Variants in PAXIP1 observed in about 807,000 individuals in gnomAD.
The protein encoded by PAXIP1 is PAX-interacting protein 1.
Under a neutral mutation model 140.6 loss-of-function variants are expected in PAXIP1, and 19 were observed. That is an observed-to-expected ratio of 0.14 (90% CI 0.09 to 0.20). The LOEUF (loss-of-function observed/expected upper bound fraction) is 0.20, where lower values mean the gene tolerates loss of function less well. Among genes scored for constraint, PAXIP1 ranks in the 10% least tolerant of loss-of-function variants. The probability of loss-of-function intolerance (pLI) is 1.00; values close to 1 mark genes in which losing one functional copy is unlikely to be tolerated. For synonymous variants in PAXIP1, 442 were observed against 444.6 expected (o/e 0.99, Z 0.07); for missense variants, 920 against 1,208.6 (o/e 0.76, Z 3.54).
At chr7:154,944,195 C>G in intron 20 of PAXIP1, 31 bp from the exon 21 acceptor site, 1 of 1,589,412 alleles carries the variant, frequency 6.3e-7, no homozygotes, top group South Asian at 1.1e-5. Context: ...GACTTTCAAA[C>G]ACAAGGCAAA....
chr7:155,003,336 T>TC (rs1160796921), upstream of PAXIP1: 1 of 148,366 alleles, frequency 6.7e-6, no homozygotes, highest in African/African-American at 2.5e-5. Flanking sequence ...GGAAACCAGC[T>TC]CCCCCCTCGG....
chr7:154,994,858 TATCTGAA>T (rs1254795232), intron 2 of PAXIP1, among the ~76,000 whole-genome samples: 1 of 152,238 alleles, frequency 6.6e-6, no homozygotes, highest in African/African-American at 2.4e-5. Flanking sequence ...CTGGATTAGT[TATCTGAA>T]ATCTGAAAGA....
chr7:154,968,283 ACT>A, intron 7 of PAXIP1, 118 bp downstream of exon 7: 1 of 785,790 alleles, frequency 1.3e-6, no homozygotes, highest in Non-Finnish European at 2.0e-6. Flanking sequence ...TGAGACTCAC[ACT>A]CTCCATTTTG....
chr7:154,954,539 T>C lies in PAXIP1; in HGVS notation c.2653-116A>G, dbSNP rs1170009111. On this transcript the variant is annotated intron_variant, in intron 15 of 20. Transcript: ENST00000404141. This position sits in a 1 kb window ranked among gnomAD's most constrained non-coding sequence, Gnocchi z 5.1. ...AAGACAAGGTTTATGACTGTAATTCTCAGCCACAGAAAACAGTGTGACAGG... is the reference window on the plus strand; with the variant it reads ...AAGACAAGGTTTATGACTGTAATTCCCAGCCACAGAAAACAGTGTGACAGG... The C allele has an allele frequency of 1.6e-6, 1 of 621,404 alleles. No individual in the cohort carries two copies. The highest frequency in any genetic ancestry group is 3.5e-5 in the East Asian group (1 of 28,982). 38.5% of individuals were successfully genotyped at this position (621,404 alleles called of 1,614,324 possible).
chr7:154,982,643 G>A (rs371975862), intron 5 of PAXIP1, among the ~76,000 whole-genome samples: 2 of 152,148 alleles, frequency 1.3e-5, no homozygotes, highest in African/African-American at 2.4e-5. Flanking sequence ...GAGCCACTGC[G>A]CCTGGCCAAC....
At chr7:154,957,692 G>T (rs1243865082) in intron 13 of PAXIP1, among the ~76,000 whole-genome samples, 2 of 152,136 alleles carry the variant, frequency 1.3e-5, no homozygotes, top group African/African-American at 4.8e-5. Flanking sequence ...ACATGGCCGG[G>T]CGCGGTGGCT....
intron 8 of PAXIP1, chr7:154,965,387 TA>T (rs1425512871): frequency 1.3e-5 from 2 of 152,248 alleles, no homozygotes; most frequent in Admixed American, 6.5e-5. Flanking sequence ...AACTGAGAGG[TA>T]ATGTTTATTG....
intron 1 of PAXIP1, chr7:155,000,857 A>C (rs1380318436): frequency 6.6e-6 from 1 of 152,154 alleles, no homozygotes; most frequent in Non-Finnish European, 1.5e-5. Flanking sequence ...CATGTTCTTA[A>C]CTTCTGCTTA....
At chr7:154,951,130 A>C (rs573642991) in intron 16 of PAXIP1, 14 of 152,288 alleles carry the variant, frequency 9.2e-5, no homozygotes, top group Admixed American at 7.8e-4. Flanking sequence ...ACTTTGGGTG[A>C]CTGGCCAAGA....
rs181293004 is a variant in PAXIP1 at position 154,992,052 on chromosome 7, C to A, written c.261-983G>T. 5.8e-3 allele frequency among the ~76,000 whole-genome samples: 885 copies of A among 152,284 alleles called. 1 individual carries two copies. Among genetic ancestry groups the A allele is most frequent in the Non-Finnish European group, 0.01 (692 of 68,030 alleles). On this transcript the variant is annotated intron_variant, in intron 3 of 20. Coordinates refer to ENST00000404141, the MANE Select transcript of PAXIP1 (RefSeq NM_007349.4). ...TCGAAGATCTGTTTCCATCTTCCAA[C>A]CTAAGCTCATGGATTTTCTACTTCC... is the stretch of plus-strand genomic sequence containing the variant.
chr7:154,996,541 G>A (rs1810623976), intron 2 of PAXIP1, among the ~76,000 whole-genome samples: 1 of 152,178 alleles, frequency 6.6e-6, no homozygotes, highest in Admixed American at 6.5e-5. Context: ...AATGAAGGAA[G>A]ACTGCTTTGT....
intron 2 of PAXIP1, among the ~76,000 whole-genome samples, chr7:154,995,583 C>T (rs1810548483): frequency 1.3e-5 from 2 of 152,236 alleles, no homozygotes; most frequent in Non-Finnish European, 2.9e-5. Flanking sequence ...ATCGCGATGG[C>T]TCATGCCTGT....
At chr7:154,990,387 A>C (rs1810274997) in intron 4 of PAXIP1, among the ~76,000 whole-genome samples, 4 of 152,206 alleles carry the variant, frequency 2.6e-5, no homozygotes. Context: ...GGTGAAAACG[A>C]AATGAGTATT....
At chr7:154,982,570 C>T (rs189475362) in intron 5 of PAXIP1, among the ~76,000 whole-genome samples, 14 of 152,300 alleles carry the variant, frequency 9.2e-5, no homozygotes, top group African/African-American at 2.4e-4. Context: ...AGGCTGGTCT[C>T]GAACTCCTGA....
chr7:154,967,677 T>G, intron 8 of PAXIP1, 139 bp downstream of exon 8: 1 of 615,998 alleles, frequency 1.6e-6, no homozygotes, highest in Non-Finnish European at 2.9e-6. Context: ...TCACACAGAA[T>G]GTTAATCAAA....
chr7:154,985,087 A>T (rs1222383865), intron 4 of PAXIP1, among the ~76,000 whole-genome samples: 1 of 152,216 alleles, frequency 6.6e-6, no homozygotes, highest in Non-Finnish European at 1.5e-5. Flanking sequence ...GACTTTGAAC[A>T]TCCATACCAG....
chr7:155,002,984 C>T lies in PAXIP1; in HGVS notation c.-55G>A. 6.5e-6 allele frequency: 5 copies of T among 765,306 alleles called. No individual in the cohort carries two copies. Among genetic ancestry groups the T allele is most frequent in the Non-Finnish European group, 6.3e-6 (4 of 630,152 alleles). 47.4% of individuals were successfully genotyped at this position (765,306 alleles called of 1,614,324 possible). On this transcript the variant is annotated 5_prime_UTR_variant, in exon 1 of 21. Transcript: ENST00000404141. ...GGCGCCCGGCCCCGCCCACCCCCCG[C>T]CCCCGGCCCCCGCGGCGCCCGGCGC...
chr7:154,994,053 T>C (rs1334219978), intron 2 of PAXIP1, among the ~76,000 whole-genome samples: 2 of 152,096 alleles, frequency 1.3e-5, no homozygotes, highest in African/African-American at 4.8e-5. Flanking sequence ...ACCCCCACAT[T>C]TAGGACAGGG....
rs1022698126 is a variant in PAXIP1, at chr7:154,963,236, T to G, written c.1989+435A>C. Among the ~76,000 whole-genome samples the G allele has an allele frequency of 1.6e-4, 25 of 151,776 alleles. No individual in the cohort carries two copies. Among genetic ancestry groups the G allele is most frequent in the Non-Finnish European group, 3.4e-4 (23 of 67,948 alleles). On this transcript the variant is annotated intron_variant, in intron 9 of 20. Transcript: ENST00000404141. This position sits in a 1 kb window ranked among gnomAD's most constrained non-coding sequence, Gnocchi z 4.1. The stretch of plus-strand genomic sequence containing the variant: ...TGTCACTCAGGCTGGAGTGCAGTGG[T>G]GGAATCTTGGCTCACTGCAACCTCT...
Sources: gnomAD v4.1 joint callset for allele counts (sites outside exome capture counted in the v4.1 genomes callset) on GRCh38, gnomAD v4.1.1 for gene constraint, Gnocchi (gnomAD v3.1) non-coding constraint, MANE v1.5 for transcripts, NCBI Gene and HGNC (gene_info 2026-07-23, HGNC 2026-07-21) for gene names.